The following SUN1 variants were observed in gnomAD, a reference collection of about 807,000 sequenced individuals.
SUN1 encodes the protein SUN domain-containing protein 1.
Under a neutral mutation model 103.2 loss-of-function variants are expected in SUN1, and 61 were observed. The ratio of observed to expected loss-of-function variants is 0.59; its 90% CI spans 0.48 to 0.73. The LOEUF (loss-of-function observed/expected upper bound fraction) is 0.73, where lower values mean the gene tolerates loss of function less well. Ranked by LOEUF, SUN1 falls within the 30% of genes least tolerant of loss-of-function variation. The pLI is 0.00. For missense variants in SUN1, 1,052 were observed against 1,034.6 expected, an observed-to-expected ratio of 1.02 and a Z score of -0.23; for synonymous variants, 490 against 425.7, an observed-to-expected ratio of 1.15 and a Z score of -1.86.
intron 7 of SUN1, 37 bp downstream of exon 7, chr7:852,080 A>G (rs1289308016): frequency 5.6e-6 from 9 of 1,593,024 alleles, no homozygotes; most frequent in Non-Finnish European, 7.7e-6. Flanking sequence ...TGGTGCTTTA[A>G]GGAACCAATT....
At chr7:841,488 C>G (rs1417614162) in intron 2 of SUN1, among the ~76,000 whole-genome samples, 1 of 151,508 alleles carries the variant, frequency 6.6e-6, no homozygotes, top group Non-Finnish European at 1.5e-5. Flanking sequence ...GTGATTTGCC[C>G]ATTTCGGCCT....
At chr7:863,334 G>A (rs1287017684) in intron 15 of SUN1, among the ~76,000 whole-genome samples, 1 of 152,118 alleles carries the variant, frequency 6.6e-6, no homozygotes, top group African/African-American at 2.4e-5. Context: ...CAGGGCCCCT[G>A]GAGTGCCGCC....
At chr7:855,236 G>A (rs2128416408) in intron 11 of SUN1, among the ~76,000 whole-genome samples, 1 of 152,220 alleles carries the variant, frequency 6.6e-6, no homozygotes, top group East Asian at 1.9e-4. Flanking sequence ...GCACAGAGCA[G>A]GGCTGCACAC....
At chr7:842,754 A>C (rs1324593598) in intron 3 of SUN1, among the ~76,000 whole-genome samples, 1 of 152,152 alleles carries the variant, frequency 6.6e-6, no homozygotes, top group Non-Finnish European at 1.5e-5. Context: ...CTTTTGAGAC[A>C]ATTAGAAGAT....
chr7:817,407 T>G, intron 1 of SUN1: 1 of 1,535,556 alleles, frequency 6.5e-7, no homozygotes, highest in Non-Finnish European at 8.7e-7. Flanking sequence ...CAGAATGGTG[T>G]CTGGTGCAAA....
intron 16 of SUN1, among the ~76,000 whole-genome samples, chr7:866,513 CCCGTCTCCCCGGGCCTTCTCCCCCA>C (rs1836730224): frequency 6.8e-6 from 1 of 148,110 alleles, no homozygotes; most frequent in Non-Finnish European, 1.5e-5. Context: ...GCCTTTGCCC[CCCGTCTCCCCGGGCCTTCTCCCCCA>C]CTGTCTCCCC....
intron 12 of SUN1, among the ~76,000 whole-genome samples, chr7:856,925 G>A (rs371848882): frequency 2.0e-5 from 3 of 152,262 alleles, no homozygotes; most frequent in South Asian, 2.1e-4. Flanking sequence ...GCCTCTCCGC[G>A]TGGCTGTCGG....
In SUN1 at chr7:873,391, A is replaced by G; in HGVS notation, c.*60A>G. The G allele has an allele frequency of 7.0e-7, 1 of 1,433,408 alleles. No individual in the cohort carries two copies. The highest frequency in any genetic ancestry group is 2.3e-5 in the East Asian group (1 of 43,902). The allele number at this position is 1,433,408 out of a possible 1,614,324, so 88.8% of individuals were successfully genotyped here. ...ATACTGGGACAGCGTGAAACACTGGAATCCTTCATGGACGAGGGCATATAC... is the reference window on the plus strand; with the variant it reads ...ATACTGGGACAGCGTGAAACACTGGGATCCTTCATGGACGAGGGCATATAC... On this transcript the variant is annotated 3_prime_UTR_variant, in exon 19 of 19. Coordinates refer to ENST00000401592, the MANE Select transcript of SUN1 (RefSeq NM_001130965.3).
At chr7:822,021 A>G (rs1183824475) in intron 1 of SUN1, among the ~76,000 whole-genome samples, 2 of 152,116 alleles carry the variant, frequency 1.3e-5, no homozygotes, top group East Asian at 3.8e-4. Context: ...CTAAATGTGG[A>G]GCTCGTTGCT....
chr7:855,028 C>T (rs779411711), intron 11 of SUN1, 22 bp downstream of exon 11: 3 of 1,569,636 alleles, frequency 1.9e-6, no homozygotes, highest in Non-Finnish European at 2.6e-6. Context: ...TGACCTTACG[C>T]TTTTTTAAAA....
intron 1 of SUN1, among the ~76,000 whole-genome samples, chr7:822,810 T>G (rs1380914477): frequency 6.6e-6 from 1 of 152,176 alleles, no homozygotes; most frequent in Non-Finnish European, 1.5e-5. Context: ...AGGAAGCATA[T>G]GAAGGCCTGA....
chr7:817,206 C>A (rs1169141650), intron 1 of SUN1: 3 of 569,728 alleles, frequency 5.3e-6, no homozygotes, highest in Non-Finnish European at 9.5e-6. Context: ...GCTATCCTCC[C>A]GCCTCCGCCT....
In SUN1 at chr7:856,356, A is replaced by G; in HGVS notation, c.1351-2A>G. 6.2e-7 allele frequency: 1 copy of G among 1,614,006 alleles called. No individual in the cohort carries two copies. Among genetic ancestry groups the G allele is most frequent in the South Asian group, 1.1e-5 (1 of 91,074 alleles). On this transcript the variant is annotated splice_acceptor_variant, in intron 11 of 18. Coordinates refer to ENST00000401592, the MANE Select transcript of SUN1 (RefSeq NM_001130965.3). LOFTEE classifies it high-confidence loss of function. ...CAGTAGACTATTTCTCATACTTTTT[A>G]GGCCATCCAGAAGGAACTAGAACAG... is the stretch of plus-strand genomic sequence containing the variant.
intron 1 of SUN1, among the ~76,000 whole-genome samples, chr7:838,176 C>T (rs932870435): frequency 1.3e-5 from 2 of 152,206 alleles, no homozygotes; most frequent in Non-Finnish European, 2.9e-5. Flanking sequence ...CCTAGGCCTC[C>T]CTAAGTGCTG....
chr7:816,031 C>T, upstream of SUN1: 3 of 216,822 alleles, frequency 1.4e-5, no homozygotes, highest in South Asian at 1.3e-4. Flanking sequence ...CATGGAGATG[C>T]AGACCCCTCC....
intron 1 of SUN1, among the ~76,000 whole-genome samples, chr7:835,863 G>A (rs942976150): frequency 1.3e-5 from 2 of 152,210 alleles, no homozygotes; most frequent in Admixed American, 6.5e-5. Flanking sequence ...AGATCCAGGG[G>A]GGCTGGAGAC....
upstream of SUN1, chr7:816,541 G>A: frequency 5.4e-6 from 2 of 367,986 alleles, no homozygotes; most frequent in South Asian, 1.9e-5. Flanking sequence ...CGGGTGGCGC[G>A]CTCGGGACTG....
Position 869,329 on chromosome 7 carries a change from C to T in SUN1, c.1981-20C>T, listed in dbSNP as rs1562834085. On this transcript the variant is annotated intron_variant, in intron 16 of 18. Transcript: ENST00000401592. ...AGAGCATGCTCACACTCTGAGTCCT[C>T]ATGTTTTTCCTTTCCCCAGCCTGAC... The T allele has an allele frequency of 1.2e-6, 2 of 1,610,776 alleles. No homozygotes were observed. The highest frequency in any genetic ancestry group is 2.2e-5 in the East Asian group (1 of 44,798).
At chr7:839,108 C>T (rs892707168) in intron 2 of SUN1, 122 bp downstream of exon 2, 108 of 961,158 alleles carry the variant, frequency 1.1e-4, no homozygotes, top group Non-Finnish European at 1.4e-4. Flanking sequence ...TGTGTATGTG[C>T]GTGTACAGAC....
Sources: allele counts gnomAD v4.1 joint callset (sites outside exome capture counted in the v4.1 genomes callset), GRCh38; gene constraint gnomAD v4.1.1; transcripts MANE v1.5; gene names NCBI Gene and HGNC (gene_info 2026-07-23, HGNC 2026-07-21).